The following NOP14 variants were observed in gnomAD, a reference collection of about 807,000 sequenced individuals.
The protein encoded by NOP14 is nucleolar protein 14.
In NOP14, 57 loss-of-function variants were observed where a neutral mutation model predicts 101.6. The observed-to-expected ratio is 0.56, with a 90% CI of 0.45 to 0.70. The LOEUF (loss-of-function observed/expected upper bound fraction) is 0.70, where lower values mean the gene tolerates loss of function less well. NOP14 is among the 30% of genes least tolerant of loss of function. The pLI is 0.00. For synonymous variants in NOP14, 428 were observed against 424.0 expected, an observed-to-expected ratio of 1.01 and a Z score of -0.12; for missense variants, 1,134 against 1,075.5, an observed-to-expected ratio of 1.05 and a Z score of -0.76.
chr4:2,952,076 T>A (rs1352485125), intron 6 of NOP14, among the ~76,000 whole-genome samples, 199 bp downstream of exon 6: 2 of 148,372 alleles, frequency 1.3e-5, no homozygotes, highest in African/African-American at 5.0e-5. Flanking sequence ...CACTGTACTC[T>A]AGCTGGGTGA....
At chr4:2,956,845 C>T in intron 2 of NOP14, 34 bp from the exon 3 acceptor site, 6 of 1,551,474 alleles carry the variant, frequency 3.9e-6, no homozygotes, top group Non-Finnish European at 5.2e-6. Flanking sequence ...CCTAAAATTA[C>T]CACTTCCATT....
At chr4:2,959,759 T>C (rs1715604693) in intron 1 of NOP14, among the ~76,000 whole-genome samples, 1 of 152,210 alleles carries the variant, frequency 6.6e-6, no homozygotes, top group South Asian at 2.1e-4. Context: ...TCCTGCTGGA[T>C]GCTGATAGTG....
At position 2,946,512 on chromosome 4, in the gene NOP14, G is replaced by A; in HGVS notation, c.1535C>T (p.Ser512Phe). 1.2e-6 allele frequency: 2 copies of A among 1,614,092 alleles called. No individual in the cohort carries two copies. Among genetic ancestry groups the A allele is most frequent in the Non-Finnish European group, 1.7e-6 (2 of 1,179,938 alleles). ...LYHLCQMFPE[S>F]ASDAIKFVLR... ...AACAAATTTGATAGCGTCACTTGCA[G>A]ATTCAGGAAACATCTGGCAAAGATG... The change falls in exon 11 of 18, where the codon TCT (serine) becomes TTT (phenylalanine). Residue 512 changes from serine to phenylalanine, a missense_variant. Transcript: ENST00000416614.
chr4:2,957,852 G>T, intron 1 of NOP14, 112 bp from the exon 2 acceptor site: 1 of 1,066,538 alleles, frequency 9.4e-7, no homozygotes, highest in Non-Finnish European at 1.3e-6. Flanking sequence ...TGATGTCAAA[G>T]TTCACACCCA....
In NOP14 at chr4:2,948,320, G is replaced by A; in HGVS notation, c.1371C>T (p.Cys457=). The A allele has an allele frequency of 6.2e-7, 1 of 1,609,412 alleles. No individual in the cohort carries two copies. The change falls in exon 9 of 18, where the codon TGC becomes TGT. Residue 457 remains cysteine (C), a synonymous_variant. Coordinates refer to ENST00000416614, the MANE Select transcript of NOP14 (RefSeq NM_001291978.2). ...TTCCTTCTGCGAGACTCGGGTGGTT[G>A]CACTTCTGAATTCTCTCCACCACCA... ...QLLVVERIQK[C]NHPSLAEGNK...
chr4:2,960,371 G>A (rs1369663085), intron 1 of NOP14, among the ~76,000 whole-genome samples: 3 of 151,986 alleles, frequency 2.0e-5, no homozygotes, highest in Non-Finnish European at 2.9e-5. Flanking sequence ...AGCCATCTCT[G>A]CCTCTAAAAA....
chr4:2,945,380 G>A, intron 11 of NOP14, 151 bp from the exon 12 acceptor site: 1 of 626,402 alleles, frequency 1.6e-6, no homozygotes, highest in East Asian at 2.9e-5. Flanking sequence ...TCACAGAACA[G>A]GCGTCCAACC....
chr4:2,951,287 A>C (rs773624758), intron 6 of NOP14, 42 bp from the exon 7 acceptor site: 47 of 1,602,752 alleles, frequency 2.9e-5, no homozygotes, highest in Non-Finnish European at 3.8e-5. Context: ...ACACTCTTCC[A>C]ACATATGGTG....
chr4:2,962,408 C>T (rs1260331302), intron 1 of NOP14, among the ~76,000 whole-genome samples: 1 of 152,172 alleles, frequency 6.6e-6, no homozygotes, highest in Non-Finnish European at 1.5e-5. Context: ...CAAAGACCAT[C>T]CAGCTTGCAC....
At chr4:2,960,089 C>A (rs1479036122) in intron 1 of NOP14, among the ~76,000 whole-genome samples, 1 of 152,130 alleles carries the variant, frequency 6.6e-6, no homozygotes, top group Non-Finnish European at 1.5e-5. Context: ...CCTGCCTCAG[C>A]CTCCCCAGTA....
intron 5 of NOP14, 71 bp downstream of exon 5, chr4:2,953,440 C>A: frequency 6.4e-7 from 1 of 1,561,606 alleles, no homozygotes; most frequent in Non-Finnish European, 8.8e-7. Flanking sequence ...CCAGCCCCAG[C>A]CCTTTCTCTG....
At position 2,960,668 on chromosome 4, in the gene NOP14, T is replaced by TATTAATATTATATTAATATTATAATTAC. The variant is rs1560310285; in HGVS notation, c.195+2456_195+2457insGTAATTATAATATTAATATAATATTAAT. Among the ~76,000 whole-genome samples, 271 of 129,106 alleles carry TATTAATATTATATTAATATTATAATTAC rather than the reference T, an allele frequency of 2.1e-3. 18 individuals are homozygous for TATTAATATTATATTAATATTATAATTAC. The highest frequency in any genetic ancestry group is 4.0e-3 in the Non-Finnish European group (240 of 60,336). 84.7% of individuals were successfully genotyped at this position (129,106 alleles called of 152,430 possible). On this transcript the variant is annotated intron_variant, in intron 1 of 17. Coordinates refer to ENST00000416614, the MANE Select transcript of NOP14 (RefSeq NM_001291978.2). ...TTAATATAGTTACTATATATTATTA[T>TATTAATATTATATTAATATTATAATTAC]ATTAATATTATATTAATATTATAAT... is the stretch of plus-strand genomic sequence containing the variant.
chr4:2,938,107 CA>C lies in NOP14; in HGVS notation c.*723del. ...ATAACACACAGACCATTCCCGATCC[CA>C]GAGGTGCATTTCAGGATTCATTCTA... On this transcript the variant is annotated 3_prime_UTR_variant, in exon 18 of 18. Transcript: ENST00000416614. 1.0e-6 allele frequency: 1 copy of C among 1,000,332 alleles called. No individual in the cohort carries two copies. Among genetic ancestry groups the C allele is most frequent in the Non-Finnish European group, 1.3e-6 (1 of 742,464 alleles). The allele number at this position is 1,000,332 out of a possible 1,614,324, so 62.0% of individuals were successfully genotyped here. A position where few individuals can be genotyped will look rare whatever the true frequency, so the allele number is the denominator to read the frequency against.
At position 2,942,943 on chromosome 4, in the gene NOP14, C is replaced by T. The variant is rs542379629; in HGVS notation, c.1892-592G>A. Among the ~76,000 whole-genome samples, 13 of 152,260 alleles carry T rather than the reference C, an allele frequency of 8.5e-5. No individual in the cohort carries two copies. The South Asian group carries it at 1.0e-3, about 12-fold the overall frequency. On this transcript the variant is annotated intron_variant, in intron 13 of 17. Coordinates refer to ENST00000416614, the MANE Select transcript of NOP14 (RefSeq NM_001291978.2). ...AGTGGGTACAGTGGGGCAGAGGTGC[C>T]GGGCCAAGCGAGAGGGGAAGGCGTG...
chr4:2,960,733 TATTAATATATTAATATTATA>T (rs1560310569), intron 1 of NOP14, among the ~76,000 whole-genome samples: 2 of 110,910 alleles, frequency 1.8e-5, no homozygotes, highest in Non-Finnish European at 3.7e-5. Flanking sequence ...ATCACATTAA[TATTAATATATTAATATTATA>T]ATCACATTAA....
chr4:2,947,338 G>A (rs554875856), intron 10 of NOP14, 188 bp downstream of exon 10: 59 of 593,166 alleles, frequency 9.9e-5, no homozygotes, highest in African/African-American at 5.8e-4. Context: ...TGGCTGGAGC[G>A]GCACGTGTGA....
intron 6 of NOP14, among the ~76,000 whole-genome samples, chr4:2,952,065 C>T (rs1046397753): frequency 1.3e-5 from 2 of 151,004 alleles, no homozygotes; most frequent in African/African-American, 2.4e-5. Flanking sequence ...CAAGATTGTG[C>T]CACTGTACTC....
intron 9 of NOP14, 196 bp from the exon 10 acceptor site, chr4:2,947,807 G>T (rs763095012): frequency 3.1e-5 from 19 of 605,342 alleles, no homozygotes; most frequent in African/African-American, 1.9e-4. Context: ...GAAGGTGTAG[G>T]GGGGAGAAAG....
chr4:2,944,302 G>A, intron 12 of NOP14, 76 bp from the exon 13 acceptor site: 1 of 1,387,196 alleles, frequency 7.2e-7, no homozygotes, highest in Non-Finnish European at 9.9e-7. Context: ...GGGCTTCCCT[G>A]ATGAACCACG....
Sources: gnomAD v4.1 joint callset for allele counts (sites outside exome capture counted in the v4.1 genomes callset) on GRCh38, gnomAD v4.1.1 for gene constraint, MANE v1.5 for transcripts, NCBI Gene and HGNC (gene_info 2026-07-23, HGNC 2026-07-21) for gene names.